RNLS: variants seen among roughly 807,000 people sequenced by gnomAD.
RNLS encodes the protein renalase, FAD dependent amine oxidase, also known as renalase.
Under a neutral mutation model 39.8 loss-of-function variants are expected in RNLS, and 39 were observed. The observed-to-expected ratio is 0.98, with a 90% CI of 0.76 to 1.28. RNLS has a LOEUF of 1.28. Among genes scored for constraint, RNLS ranks in the 50% most tolerant of loss-of-function variants. The pLI, the probability that RNLS is intolerant of heterozygous loss-of-function variation, is 0.00. For missense variants in RNLS, 410 were observed against 413.3 expected (o/e 0.99, Z 0.07); for synonymous variants, 147 against 150.7 (o/e 0.98, Z 0.18).
intron 4 of RNLS, among the ~76,000 whole-genome samples, chr10:88,456,780 A>G (rs1842651357): frequency 6.6e-6 from 1 of 152,198 alleles, no homozygotes; most frequent in Non-Finnish European, 1.5e-5. Context: ...TTTTAAAAAA[A>G]TTCAAAGTGA....
rs765604499 is a variant in RNLS, at chr10:88,582,271, G to A, written c.155C>T (p.Pro52Leu). 6.2e-7 allele frequency: 1 copy of A among 1,614,020 alleles called. No individual in the cohort carries two copies. The highest frequency in any genetic ancestry group is 1.3e-5 in the African/African-American group (1 of 75,048). The change falls in exon 2 of 7, where the codon CCT (proline) becomes CTT (leucine). Residue 52 changes from proline (P) to leucine (L), a missense_variant. Transcript: ENST00000331772. Reference protein sequence around the residue: ...RMTTACSPHNPQCTADLGAQY... With the variant: ...RMTTACSPHNLQCTADLGAQY... The stretch of plus-strand genomic sequence containing the variant: ...AGCACCCAAGTCAGCTGTGCACTGA[G>A]GATTATGAGGACTGCAGGCTGTAGT...
chr10:88,446,228 A>G (rs1305019244), intron 4 of RNLS, among the ~76,000 whole-genome samples: 4 of 152,210 alleles, frequency 2.6e-5, no homozygotes, highest in African/African-American at 7.2e-5. Context: ...GCTACATAAC[A>G]AAATGAAGGC....
At chr10:88,555,824 C>T (rs1848845012) in intron 4 of RNLS, among the ~76,000 whole-genome samples, 1 of 152,166 alleles carries the variant, frequency 6.6e-6, no homozygotes, top group Non-Finnish European at 1.5e-5. Context: ...CCCTCACTCA[C>T]TGGCATCTCC....
chr10:88,446,020 A>G (rs1234919009), intron 4 of RNLS, among the ~76,000 whole-genome samples: 1 of 152,244 alleles, frequency 6.6e-6, no homozygotes, highest in Non-Finnish European at 1.5e-5. Flanking sequence ...CATTCTTCTC[A>G]GCACCACATC....
At chr10:88,523,735 T>C (rs1157054985) in intron 4 of RNLS, among the ~76,000 whole-genome samples, 2 of 152,158 alleles carry the variant, frequency 1.3e-5, no homozygotes, top group Non-Finnish European at 2.9e-5. Flanking sequence ...AGATACTGTA[T>C]AGAAATGCAG....
the RNLS span, among the ~76,000 whole-genome samples, chr10:88,263,810 TC>T: frequency 6.6e-6 from 1 of 151,886 alleles, no homozygotes; most frequent in Non-Finnish European, 1.5e-5. Flanking sequence ...GGCAATGTCT[TC>T]TTCTTCTTCT....
At chr10:88,515,880 G>A (rs1300359714) in intron 4 of RNLS, among the ~76,000 whole-genome samples, 1 of 152,040 alleles carries the variant, frequency 6.6e-6, no homozygotes, top group Non-Finnish European at 1.5e-5. Flanking sequence ...GAATGTGACT[G>A]TATTAGGAGA....
intron 4 of RNLS, among the ~76,000 whole-genome samples, chr10:88,415,563 T>C (rs1282039309): frequency 6.6e-6 from 1 of 152,214 alleles, no homozygotes. Flanking sequence ...AAATAAAAGT[T>C]AACTTCATTA....
downstream of RNLS, among the ~76,000 whole-genome samples, chr10:88,273,215 G>A (rs1451572129): frequency 2.6e-5 from 4 of 152,148 alleles, no homozygotes; most frequent in Admixed American, 2.0e-4. Flanking sequence ...GCTAGTCTTG[G>A]TTCTGCCCTC....
intron 4 of RNLS, among the ~76,000 whole-genome samples, chr10:88,482,295 A>G (rs896886141): frequency 1.3e-5 from 2 of 152,040 alleles, no homozygotes; most frequent in Admixed American, 6.6e-5. Flanking sequence ...GGTACACTCA[A>G]TGTTGTCCCA....
chr10:88,216,948 A>T, the RNLS span, among the ~76,000 whole-genome samples: 1 of 152,222 alleles, frequency 6.6e-6, no homozygotes, highest in African/African-American at 2.4e-5. Flanking sequence ...TGGTTAGGGC[A>T]ACCAAGATAG....
At chr10:88,509,294 T>A (rs1302933183) in intron 4 of RNLS, among the ~76,000 whole-genome samples, 2 of 152,120 alleles carry the variant, frequency 1.3e-5, no homozygotes, top group Non-Finnish European at 2.9e-5. Context: ...AGGGACAGAA[T>A]TGCACTTGTC....
At chr10:88,209,536 T>C in the RNLS span, among the ~76,000 whole-genome samples, 1 of 152,288 alleles carries the variant, frequency 6.6e-6, no homozygotes, top group South Asian at 2.1e-4. Context: ...AGCATGGCCT[T>C]CTAATACCTT....
intron 5 of RNLS, among the ~76,000 whole-genome samples, chr10:88,331,672 C>T (rs1003570531): frequency 1.3e-5 from 2 of 152,112 alleles, no homozygotes; most frequent in African/African-American, 4.8e-5. Context: ...GGGGGCCACA[C>T]TGTTTTAGGG....
At chr10:88,563,697 G>A (rs897281721) in intron 4 of RNLS, among the ~76,000 whole-genome samples, 5 of 151,992 alleles carry the variant, frequency 3.3e-5, no homozygotes, top group Non-Finnish European at 5.9e-5. Context: ...GGAGTGGGAT[G>A]GTATACAGGT....
chr10:88,398,417 AAAG>A (rs1311063682), intron 4 of RNLS, among the ~76,000 whole-genome samples: 1 of 151,938 alleles, frequency 6.6e-6, no homozygotes, highest in Non-Finnish European at 1.5e-5. Context: ...AGAGCTGGTT[AAAG>A]AAGATGGTTG....
intron 4 of RNLS, among the ~76,000 whole-genome samples, chr10:88,513,484 A>T (rs1314258782): frequency 6.6e-6 from 1 of 152,176 alleles, no homozygotes; most frequent in Non-Finnish European, 1.5e-5. Context: ...GATAGTTTCT[A>T]TAAATAATAT....
chr10:88,481,934 C>T (rs1445770962), intron 4 of RNLS, among the ~76,000 whole-genome samples: 1 of 152,084 alleles, frequency 6.6e-6, no homozygotes, highest in East Asian at 1.9e-4. Flanking sequence ...TTCACCTCCA[C>T]TTTTTCAAGG....
At chr10:88,520,099 T>C (rs1277094559) in intron 4 of RNLS, among the ~76,000 whole-genome samples, 1 of 151,984 alleles carries the variant, frequency 6.6e-6, no homozygotes, top group Non-Finnish European at 1.5e-5. Context: ...AAGTGCCTCA[T>C]TCCCTGATTC....
Sources: gnomAD v4.1 joint callset for allele counts (sites outside exome capture counted in the v4.1 genomes callset) on GRCh38, gnomAD v4.1.1 for gene constraint, MANE v1.5 for transcripts, NCBI Gene and HGNC (gene_info 2026-07-23, HGNC 2026-07-21) for gene names.